Variants in APBB1IP observed in about 807,000 individuals in gnomAD.
APBB1IP encodes the protein amyloid beta precursor protein binding family B member 1 interacting protein.
In APBB1IP, 27 loss-of-function variants were observed where a neutral mutation model predicts 64.9. That is an observed-to-expected ratio of 0.42 (90% CI 0.31 to 0.57). The LOEUF is 0.57. Ranked by LOEUF, APBB1IP falls within the 20% of genes least tolerant of loss-of-function variation. APBB1IP has a pLI of 0.20. For synonymous variants in APBB1IP, 392 were observed against 331.0 expected (o/e 1.18, Z -2.00); for missense variants, 812 against 845.5 (o/e 0.96, Z 0.49).
At chr10:26,509,355 G>T (rs1836224012) in intron 6 of APBB1IP, among the ~76,000 whole-genome samples, 1 of 152,178 alleles carries the variant, frequency 6.6e-6, no homozygotes. Context: ...GGTCCCTGGA[G>T]GAAGAAAGCA....
At chr10:26,510,262 C>T (rs1314770426) in intron 6 of APBB1IP, among the ~76,000 whole-genome samples, 23 of 152,152 alleles carry the variant, frequency 1.5e-4, no homozygotes, top group Admixed American at 1.5e-3. Context: ...GCCACCATGC[C>T]CGGCTGAATC....
chr10:26,536,386 C>T (rs559187450), intron 10 of APBB1IP, among the ~76,000 whole-genome samples, 169 bp downstream of exon 10: 58 of 151,974 alleles, frequency 3.8e-4, no homozygotes, highest in South Asian at 8.3e-4. Context: ...TGAGTTTTCC[C>T]GTAGCTCTCT....
At chr10:26,471,906 A>G (rs1835721212) in intron 2 of APBB1IP, among the ~76,000 whole-genome samples, 1 of 152,126 alleles carries the variant, frequency 6.6e-6, no homozygotes, top group African/African-American at 2.4e-5. Context: ...GATGGTCTCC[A>G]TCTCCTGACC....
At chr10:26,453,168 G>A (rs936383774) in intron 2 of APBB1IP, among the ~76,000 whole-genome samples, 12 of 152,184 alleles carry the variant, frequency 7.9e-5, no homozygotes, top group Non-Finnish European at 1.6e-4. Flanking sequence ...TGTCAAAGTC[G>A]TGATTCTGAT....
At chr10:26,483,238 T>C (rs577514640) in intron 2 of APBB1IP, among the ~76,000 whole-genome samples, 1 of 150,994 alleles carries the variant, frequency 6.6e-6, no homozygotes, top group East Asian at 2.0e-4. Context: ...CACAGAAAAA[T>C]CTTCCAGAAA....
chr10:26,516,039 G>GA (rs1034191138), intron 8 of APBB1IP, among the ~76,000 whole-genome samples: 26 of 149,542 alleles, frequency 1.7e-4, no homozygotes, highest in Middle Eastern at 3.4e-3. Context: ...TAATAAATTT[G>GA]AAAAAAAAAT....
chr10:26,487,154 TG>T (rs1835901674), intron 2 of APBB1IP, among the ~76,000 whole-genome samples: 1 of 151,782 alleles, frequency 6.6e-6, no homozygotes, highest in South Asian at 2.1e-4. Flanking sequence ...CAGCTCTTTC[TG>T]GCTGCTAACC....
intron 2 of APBB1IP, among the ~76,000 whole-genome samples, chr10:26,477,301 A>G (rs1245623434): frequency 6.6e-6 from 1 of 152,234 alleles, no homozygotes; most frequent in Non-Finnish European, 1.5e-5. Context: ...GGTTAAAGCC[A>G]TGTCCACCAG....
At chr10:26,477,557 T>G (rs1835789765) in intron 2 of APBB1IP, among the ~76,000 whole-genome samples, 2 of 152,228 alleles carry the variant, frequency 1.3e-5, no homozygotes, top group Non-Finnish European at 2.9e-5. Flanking sequence ...GAATTATGTC[T>G]TTTGAAAAAA....
At chr10:26,556,043 G>A (rs114510795) in intron 11 of APBB1IP, among the ~76,000 whole-genome samples, 112 of 152,206 alleles carry the variant, frequency 7.4e-4, no homozygotes, top group Admixed American at 1.9e-3. Context: ...TTCTCATTTC[G>A]TAAGCTCAGA....
intron 2 of APBB1IP, among the ~76,000 whole-genome samples, chr10:26,449,683 T>C (rs1052840304): frequency 2.6e-5 from 4 of 152,170 alleles, no homozygotes; most frequent in Non-Finnish European, 5.9e-5. Flanking sequence ...TTCTCCAATA[T>C]AGTTGTCAAA....
Position 26,567,313 on chromosome 10 carries a change from C to T in APBB1IP, c.1826C>T (p.Ala609Val), listed in dbSNP as rs1341717113. The T allele has an allele frequency of 1.2e-5, 14 of 1,205,720 alleles. No individual in the cohort carries two copies. The highest frequency in any genetic ancestry group is 1.8e-5 in the South Asian group (1 of 57,096). 74.7% of individuals were successfully genotyped at this position (1,205,720 alleles called of 1,614,324 possible). A position where few individuals can be genotyped will look rare whatever the true frequency, so the allele number is the denominator to read the frequency against. ...CCGCCGCCGCCGCCGCCCGCGCCCGCGCCCGCCCCCGTCCCCGACTCCGCC... is the reference window on the plus strand; with the variant it reads ...CCGCCGCCGCCGCCGCCCGCGCCCGTGCCCGCCCCCGTCCCCGACTCCGCC... Reference protein sequence around the residue: ...PPPPPPPPAPAPAPVPDSARP... With the variant: ...PPPPPPPPAPVPAPVPDSARP... The change falls in exon 15 of 15, where the codon GCG becomes GTG. Residue 609 changes from alanine (A) to valine (V), a missense_variant. By Grantham distance (64) the Ala-to-Val change is moderately conservative. This residue lies in a region of APBB1IP where 381 missense variants were observed against 352.1 expected (regional missense o/e 1.08). Transcript: ENST00000376236.
chr10:26,500,946 A>G lies in APBB1IP; in HGVS notation c.288A>G (p.Ser96=). The G allele has an allele frequency of 6.2e-7, 1 of 1,614,210 alleles. No individual in the cohort carries two copies. Among genetic ancestry groups the G allele is most frequent in the South Asian group, 1.1e-5 (1 of 91,086 alleles). Residue 96 remains serine, a synonymous_variant, in exon 5 of 15, where the codon TCA becomes TCG. Coordinates refer to ENST00000376236, the MANE Select transcript of APBB1IP (RefSeq NM_019043.4). ...QKESLQNQHH[S]ASLQASIFSG... is the part of the protein sequence containing the mutation. ...AGTCCTTGCAGAATCAACATCATTCAGCATCTCTACAAGCATCAATTTTCA... is the reference window on the plus strand; with the variant it reads ...AGTCCTTGCAGAATCAACATCATTCGGCATCTCTACAAGCATCAATTTTCA...
chr10:26,552,996 A>G (rs1320064874), intron 11 of APBB1IP, among the ~76,000 whole-genome samples: 2 of 151,044 alleles, frequency 1.3e-5, no homozygotes, highest in Non-Finnish European at 3.0e-5. Context: ...TTCCTGAGAA[A>G]GTGATGATGC....
chr10:26,520,834 G>A (rs1180314924), intron 8 of APBB1IP, among the ~76,000 whole-genome samples: 1 of 152,170 alleles, frequency 6.6e-6, no homozygotes, highest in Non-Finnish European at 1.5e-5. Flanking sequence ...AAAACCACTT[G>A]CCACATTGTG....
chr10:26,560,470 A>G (rs1836953515), intron 12 of APBB1IP, among the ~76,000 whole-genome samples: 1 of 152,204 alleles, frequency 6.6e-6, no homozygotes, highest in South Asian at 2.1e-4. Context: ...ATCGAGTTAC[A>G]TAAAGACACA....
At chr10:26,465,842 A>G (rs1284569451) in intron 2 of APBB1IP, among the ~76,000 whole-genome samples, 1 of 152,234 alleles carries the variant, frequency 6.6e-6, no homozygotes, top group East Asian at 1.9e-4. Flanking sequence ...CCTCTAAAGC[A>G]TAATATATTG....
intron 11 of APBB1IP, among the ~76,000 whole-genome samples, chr10:26,550,694 C>G (rs1348426500): frequency 1.3e-5 from 2 of 152,128 alleles, no homozygotes; most frequent in African/African-American, 4.8e-5. Flanking sequence ...TTTGTTATAA[C>G]AGCTATTTTT....
chr10:26,480,015 AG>A (rs1053031653), intron 2 of APBB1IP, among the ~76,000 whole-genome samples: 2 of 152,196 alleles, frequency 1.3e-5, no homozygotes, highest in African/African-American at 4.8e-5. Context: ...CTGTTTGGCC[AG>A]GACCACAGAA....
Sources: gnomAD v4.1 joint callset for allele counts (sites outside exome capture counted in the v4.1 genomes callset) on GRCh38, gnomAD v4.1.1 for gene constraint, gnomAD v4.1.1 regional missense constraint, MANE v1.5 for transcripts, NCBI Gene and HGNC (gene_info 2026-07-23, HGNC 2026-07-21) for gene names.